BET1: variants seen among roughly 807,000 people sequenced by gnomAD.
BET1 encodes Bet1 golgi vesicular membrane trafficking protein.
Under a neutral mutation model 13.9 loss-of-function variants are expected in BET1, and 9 were observed. That is an observed-to-expected ratio of 0.65 (90% CI 0.39 to 1.13). BET1 has a LOEUF of 1.13. BET1 is among the 50% of genes most tolerant of loss of function. The pLI, the probability that BET1 is intolerant of heterozygous loss-of-function variation, is 0.01. For synonymous variants in BET1, 39 were observed against 47.3 expected (o/e 0.82, Z 0.72); for missense variants, 127 against 133.6 (o/e 0.95, Z 0.24).
chr7:93,994,129 C>G lies in BET1; in HGVS notation c.*101G>C. 1 of 1,469,968 alleles carries G rather than the reference C, an allele frequency of 6.8e-7. No homozygotes were observed. Among genetic ancestry groups the G allele is most frequent in the Non-Finnish European group, 9.0e-7 (1 of 1,115,114 alleles). 91.1% of individuals were successfully genotyped at this position (1,469,968 alleles called of 1,614,324 possible). ...TTCAGCAATTTTCAATGGAAAATGC[C>G]ACAGTATTTGAACACTAGGAATGTT... On this transcript the variant is annotated 3_prime_UTR_variant, in exon 4 of 4. Coordinates refer to ENST00000222547, the MANE Select transcript of BET1 (RefSeq NM_005868.6).
chr7:93,974,651 G>A (rs912839526), intron 5 of BET1, among the ~76,000 whole-genome samples: 2 of 151,882 alleles, frequency 1.3e-5, no homozygotes, highest in African/African-American at 4.8e-5. Flanking sequence ...CATAAATGTA[G>A]GAGAAGAGGC....
downstream of BET1, among the ~76,000 whole-genome samples, chr7:93,988,528 T>C (rs982963599): frequency 2.0e-5 from 3 of 152,220 alleles, no homozygotes; most frequent in Non-Finnish European, 2.9e-5. Flanking sequence ...AAACCCATCT[T>C]GAGTTTACCT....
At chr7:94,003,911 TAACACTAA>T (rs2116157891) in intron 1 of BET1, among the ~76,000 whole-genome samples, 1 of 151,876 alleles carries the variant, frequency 6.6e-6, no homozygotes, top group African/African-American at 2.4e-5. Flanking sequence ...GCTCAGTCAA[TAACACTAA>T]AACACTCGAC....
downstream of BET1, among the ~76,000 whole-genome samples, chr7:93,989,394 T>TA (rs1795588927): frequency 6.6e-6 from 1 of 152,146 alleles, no homozygotes; most frequent in African/African-American, 2.4e-5. Context: ...AGTTTCTTTT[T>TA]TAAAAAAAAA....
chr7:93,992,976 T>C (rs910199403), downstream of BET1: 6 of 985,154 alleles, frequency 6.1e-6, no homozygotes, highest in African/African-American at 1.0e-4. Context: ...TAATGACGAA[T>C]GAAGCCAGAA....
intron 4 of BET1, among the ~76,000 whole-genome samples, chr7:93,981,730 T>C (rs1419210500): frequency 1.3e-5 from 2 of 152,172 alleles, no homozygotes; most frequent in Admixed American, 1.3e-4. Flanking sequence ...ATTAAATCCA[T>C]TGTACTTCCA....
chr7:93,994,235 T>C lies in BET1; in HGVS notation c.352A>G (p.Arg118Gly). 6.2e-7 allele frequency: 1 copy of C among 1,601,554 alleles called. No homozygotes were observed. The highest frequency in any genetic ancestry group is 8.5e-7 in the Non-Finnish European group (1 of 1,174,892). Residue 118 changes from arginine to glycine, a missense_variant, in exon 4 of 4, where the codon AGG (arginine) becomes GGG (glycine). By Grantham distance (125) the Arg-to-Gly change is moderately radical. Coordinates refer to ENST00000222547, the MANE Select transcript of BET1 (RefSeq NM_005868.6). ...FFIIYWIIKL[R>G] ...CAAATTCACAATTACATGCATCACCTCAGTTTAATAATCCAATAAATGATA... is the reference window on the plus strand; with the variant it reads ...CAAATTCACAATTACATGCATCACCCCAGTTTAATAATCCAATAAATGATA...
chr7:93,976,666 C>T (rs1329720549), intron 4 of BET1, among the ~76,000 whole-genome samples: 1 of 151,862 alleles, frequency 6.6e-6, no homozygotes, highest in African/African-American at 2.4e-5. Flanking sequence ...TAAAAGAGTA[C>T]TTATTATTAT....
At chr7:93,996,933 T>C (rs1795782680) in intron 2 of BET1, among the ~76,000 whole-genome samples, 1 of 148,472 alleles carries the variant, frequency 6.7e-6, no homozygotes, top group Admixed American at 6.7e-5. Flanking sequence ...AATGAAATGT[T>C]ACATTACTTT....
exon 7 of BET1, chr7:93,963,376 T>C (rs953666165): frequency 6.6e-5 from 10 of 151,964 alleles, no homozygotes; most frequent in Non-Finnish European, 8.8e-5. Flanking sequence ...TTCCTAAAAC[T>C]CTTAAAATTT....
chr7:93,971,739 A>G (rs1795261363), intron 6 of BET1, among the ~76,000 whole-genome samples: 1 of 151,790 alleles, frequency 6.6e-6, no homozygotes, highest in Non-Finnish European at 1.5e-5. Flanking sequence ...TTACATAGTT[A>G]TTATATTATA....
chr7:93,987,141 G>T (rs1381819454), intron 4 of BET1: 2 of 151,450 alleles, frequency 1.3e-5, no homozygotes, highest in East Asian at 3.9e-4. Flanking sequence ...TTTAATCTAG[G>T]CTTTCAGGAA....
intron 6 of BET1, among the ~76,000 whole-genome samples, chr7:93,968,858 A>G (rs1362135832): frequency 6.6e-6 from 1 of 151,810 alleles, no homozygotes; most frequent in Non-Finnish European, 1.5e-5. Flanking sequence ...TACAATATAG[A>G]CAAATGTAAT....
chr7:93,976,534 C>T (rs1042393254), intron 4 of BET1, among the ~76,000 whole-genome samples: 1 of 152,036 alleles, frequency 6.6e-6, no homozygotes, highest in Non-Finnish European at 1.5e-5. Flanking sequence ...GATCTCTGAA[C>T]AATAGTTCTC....
chr7:94,001,480 A>G (rs1286395801), intron 1 of BET1, among the ~76,000 whole-genome samples: 1 of 152,114 alleles, frequency 6.6e-6, no homozygotes, highest in Non-Finnish European at 1.5e-5. Flanking sequence ...CACCACAAAA[A>G]CCACAACAAA....
chr7:93,970,366 T>C (rs1248787440), intron 6 of BET1, among the ~76,000 whole-genome samples: 1 of 151,798 alleles, frequency 6.6e-6, no homozygotes, highest in African/African-American at 2.4e-5. Flanking sequence ...AGCTAATGAA[T>C]GCAGGGCCAA....
At chr7:93,977,324 T>C (rs1300748712) in intron 4 of BET1, among the ~76,000 whole-genome samples, 1 of 152,068 alleles carries the variant, frequency 6.6e-6, no homozygotes, top group East Asian at 1.9e-4. Flanking sequence ...TAGCAGGGCA[T>C]GGGGCAGGCA....
At chr7:93,973,091 A>G (rs1239418606) in intron 5 of BET1, among the ~76,000 whole-genome samples, 1 of 151,892 alleles carries the variant, frequency 6.6e-6, no homozygotes, top group Non-Finnish European at 1.5e-5. Flanking sequence ...TTTTTCATTT[A>G]AGATCAATGA....
intron 4 of BET1, among the ~76,000 whole-genome samples, chr7:93,976,901 C>T (rs1160710871): frequency 6.6e-6 from 1 of 152,074 alleles, no homozygotes; most frequent in African/African-American, 2.4e-5. Flanking sequence ...TGGCTTAGTT[C>T]TCACTTATAA....
Sources: gnomAD v4.1 joint callset for allele counts (sites outside exome capture counted in the v4.1 genomes callset) on GRCh38, gnomAD v4.1.1 for gene constraint, MANE v1.5 for transcripts, NCBI Gene and HGNC (gene_info 2026-07-23, HGNC 2026-07-21) for gene names.